Variants in ATF1 observed in about 807,000 individuals in gnomAD.
ATF1 encodes cyclic AMP-dependent transcription factor ATF-1.
Under a neutral mutation model 34.7 loss-of-function variants are expected in ATF1, and 16 were observed. That is an observed-to-expected ratio of 0.46 (90% confidence interval 0.31 to 0.70). ATF1 has a LOEUF of 0.70. ATF1 is among the 30% of genes least tolerant of loss of function. The pLI is 0.05. For synonymous variants in ATF1, 105 were observed against 113.1 expected (o/e 0.93, Z 0.46); for missense variants, 255 against 321.6 (o/e 0.79, Z 1.58).
intron 1 of ATF1, among the ~76,000 whole-genome samples, chr12:50,766,348 A>AG (rs1357876064): frequency 1.3e-5 from 2 of 152,106 alleles, no homozygotes; most frequent in African/African-American, 2.4e-5. Flanking sequence ...CCTCTCAGGT[A>AG]ACTCCCTCTC....
rs958308334 is a variant in ATF1, at chr12:50,764,191, A to T, written c.-123A>T. On this transcript the variant is annotated 5_prime_UTR_variant, in exon 1 of 7. Transcript: ENST00000262053. ...CTCCCCGCCCCGCCTGACCCCCGAG[A>T]AGGAGGCTTGTCCCCCGCTGCGTGA... The T allele has an allele frequency of 3.3e-5, 5 of 151,516 alleles. No homozygotes were observed. The highest frequency in any genetic ancestry group is 1.2e-4 in the African/African-American group (5 of 41,098). 9.4% of individuals were successfully genotyped at this position (151,516 alleles called of 1,614,324 possible).
At position 50,820,924 on chromosome 12, in the gene ATF1, G is replaced by A. The variant is rs781259485; in HGVS notation, c.*1145G>A. 11 of 179,378 alleles carry A rather than the reference G, an allele frequency of 6.1e-5. No individual in the cohort carries two copies. The highest frequency in any genetic ancestry group is 2.0e-4 in the South Asian group (1 of 5,056). 11.1% of individuals were successfully genotyped at this position (179,378 alleles called of 1,614,324 possible). Reference sequence around the variant, plus strand: ...AAGTATCATTTTTATATTATGGGACGTTTTCAGATTGGCTAATATTTGCAT... The same window carrying A: ...AAGTATCATTTTTATATTATGGGACATTTTCAGATTGGCTAATATTTGCAT... On this transcript the variant is annotated 3_prime_UTR_variant, in exon 7 of 7. Transcript: ENST00000262053.
chr12:50,788,209 G>C (rs1941226309), intron 2 of ATF1: 1 of 450,176 alleles, frequency 2.2e-6, no homozygotes, highest in Non-Finnish European at 4.4e-6. Flanking sequence ...TTGACATAGG[G>C]TCTCACTCTG....
intron 1 of ATF1, among the ~76,000 whole-genome samples, chr12:50,765,823 C>G (rs938801216): frequency 2.6e-5 from 4 of 152,208 alleles, no homozygotes; most frequent in African/African-American, 9.7e-5. Context: ...ATGGCAATGT[C>G]AGGAAGTTAC....
intron 2 of ATF1, among the ~76,000 whole-genome samples, chr12:50,789,233 A>G (rs2139662340): frequency 6.6e-6 from 1 of 151,976 alleles, no homozygotes; most frequent in African/African-American, 2.4e-5. Context: ...ATGCCCCGCT[A>G]ATTTTTGTAA....
intron 4 of ATF1, among the ~76,000 whole-genome samples, chr12:50,813,422 A>G (rs1158478903): frequency 2.6e-5 from 4 of 152,218 alleles, no homozygotes; most frequent in Non-Finnish European, 5.9e-5. Context: ...TAAGCATGTT[A>G]TCTATTCAGA....
chr12:50,768,162 C>T (rs1165094492), intron 1 of ATF1, among the ~76,000 whole-genome samples: 2 of 152,084 alleles, frequency 1.3e-5, no homozygotes, highest in South Asian at 2.1e-4. Flanking sequence ...CATGAGCCAC[C>T]GCACCCAGCC....
At chr12:50,801,973 CTT>C (rs1458003105) in intron 3 of ATF1, among the ~76,000 whole-genome samples, 1 of 152,078 alleles carries the variant, frequency 6.6e-6, no homozygotes, top group Non-Finnish European at 1.5e-5. Flanking sequence ...AAGTAAAACA[CTT>C]TGTACATGAC....
intron 2 of ATF1, among the ~76,000 whole-genome samples, chr12:50,787,583 GAAAA>G (rs944124464): frequency 1.4e-5 from 2 of 141,550 alleles, no homozygotes; most frequent in African/African-American, 5.2e-5. Context: ...AAATACAAAA[GAAAA>G]AAAAAAAGCC....
At chr12:50,806,260 G>A in intron 3 of ATF1, 1 of 199,472 alleles carries the variant, frequency 5.0e-6, no homozygotes, top group South Asian at 8.0e-5. Flanking sequence ...GGAAAGTTCT[G>A]ATTTCAACCT....
chr12:50,773,352 C>T (rs949733511), intron 1 of ATF1, among the ~76,000 whole-genome samples: 1 of 151,092 alleles, frequency 6.6e-6, no homozygotes, highest in African/African-American at 2.4e-5. Flanking sequence ...CTGTCTTCCA[C>T]AATGGTTGAA....
intron 1 of ATF1, among the ~76,000 whole-genome samples, chr12:50,779,620 T>C (rs1239288273): frequency 6.6e-6 from 1 of 152,058 alleles, no homozygotes; most frequent in Non-Finnish European, 1.5e-5. Context: ...TTTTACCAGC[T>C]TGTTAGTGGT....
intron 1 of ATF1, among the ~76,000 whole-genome samples, chr12:50,767,068 G>A (rs1024256249): frequency 6.6e-6 from 1 of 151,230 alleles, no homozygotes; most frequent in African/African-American, 2.4e-5. Flanking sequence ...GATACGGCTT[G>A]GCCCCCAGGG....
Position 50,819,735 on chromosome 12 carries a change from G to C in ATF1, c.772G>C (p.Glu258Gln), listed in dbSNP as rs754300356. ...AAATCAAAATAAAACTCTAATAGAA[G>C]AGTTAAAAACTTTGAAGGATCTTTA... is the stretch of plus-strand genomic sequence containing the variant. ...LENQNKTLIE[E>Q]LKTLKDLYSN... Residue 258 changes from glutamate (E) to glutamine (Q), a missense_variant, in exon 7 of 7, where the codon GAG (glutamate) becomes CAG (glutamine). Glu to Gln is a conservative substitution (Grantham distance 29). Transcript: ENST00000262053. 6.3e-7 allele frequency: 1 copy of C among 1,596,370 alleles called. No individual in the cohort carries two copies. The highest frequency in any genetic ancestry group is 2.2e-5 in the East Asian group (1 of 44,768).
intron 2 of ATF1, among the ~76,000 whole-genome samples, chr12:50,782,232 C>T (rs1565904182): frequency 7.2e-6 from 1 of 138,712 alleles, no homozygotes; most frequent in Admixed American, 7.1e-5. Context: ...TTTTCTTTTT[C>T]TGTTTTTTTT....
intron 1 of ATF1, among the ~76,000 whole-genome samples, chr12:50,765,972 A>G (rs1372365130): frequency 6.6e-6 from 1 of 151,968 alleles, no homozygotes; most frequent in Non-Finnish European, 1.5e-5. Context: ...TTATTCCTTT[A>G]CTTTCTTCAT....
chr12:50,802,486 T>C (rs138849366), intron 3 of ATF1, among the ~76,000 whole-genome samples: 15 of 152,088 alleles, frequency 9.9e-5, no homozygotes, highest in African/African-American at 3.6e-4. Flanking sequence ...GATTGTGCCA[T>C]TGCACTCCAG....
intron 6 of ATF1, among the ~76,000 whole-genome samples, chr12:50,818,029 TTTTTTTCCTTCC>T (rs1377098717): frequency 2.0e-5 from 3 of 152,164 alleles, no homozygotes; most frequent in African/African-American, 7.2e-5. Flanking sequence ...GACTCTGGGA[TTTTTTTCCTTCC>T]TTTTTTCCCC....
At chr12:50,819,354 C>G (rs1941903045) in intron 6 of ATF1, among the ~76,000 whole-genome samples, 1 of 152,126 alleles carries the variant, frequency 6.6e-6, no homozygotes, top group African/African-American at 2.4e-5. Context: ...TGATAAAAAT[C>G]AAAACGATAG....
Sources: gnomAD v4.1 joint callset for allele counts (sites outside exome capture counted in the v4.1 genomes callset) on GRCh38, gnomAD v4.1.1 for gene constraint, MANE v1.5 for transcripts, NCBI Gene and HGNC (gene_info 2026-07-23, HGNC 2026-07-21) for gene names.